Variants in FNIP2 observed in about 807,000 individuals in gnomAD.
FNIP2 encodes folliculin interacting protein 2.
Under a neutral mutation model 108.7 loss-of-function variants are expected in FNIP2, and 32 were observed. The ratio of observed to expected loss-of-function variants is 0.29; its 90% CI spans 0.22 to 0.40. The LOEUF is 0.40. Among genes scored for constraint, FNIP2 ranks in the 10% least tolerant of loss-of-function variants. FNIP2 has a pLI of 1.00. For synonymous variants in FNIP2, 480 were observed against 496.7 expected (o/e 0.97, Z 0.45); for missense variants, 1,202 against 1,381.6 (o/e 0.87, Z 2.06).
rs571499078 is a variant in FNIP2 at position 158,789,451 on chromosome 4, T to TA, written c.107+20133dup. Among the ~76,000 whole-genome samples, 18 of 152,354 alleles carry TA rather than the reference T, an allele frequency of 1.2e-4. No individual in the cohort carries two copies. In the South Asian group the frequency reaches 3.7e-3, roughly 32 times the overall value. ...AATGGCTGTAAGTTAACCTGGTTTT[T>TA]ATAGGATGGCCAGGTACTCTGACTG... On this transcript the variant is annotated intron_variant, in intron 1 of 16. Coordinates refer to ENST00000264433, the MANE Select transcript of FNIP2 (RefSeq NM_020840.3).
At chr4:158,797,583 C>T (rs1211759478) in intron 1 of FNIP2, among the ~76,000 whole-genome samples, 1 of 152,090 alleles carries the variant, frequency 6.6e-6, no homozygotes, top group Non-Finnish European at 1.5e-5. Context: ...GCCTGTAGTC[C>T]CAGCTACTCA....
rs576965761 is a variant in FNIP2, at chr4:158,906,381, T to G, written c.*1837T>G. ...GTTTACATGTTTTGGGCACTTTCCC[T>G]CATTCACCACCTTCCAGGGTTTCAT... On this transcript the variant is annotated 3_prime_UTR_variant, in exon 17 of 17. Transcript: ENST00000264433. 1 of 152,342 alleles carries G rather than the reference T, an allele frequency of 6.6e-6. No individual in the cohort carries two copies. The highest frequency in any genetic ancestry group is 1.5e-5 in the Non-Finnish European group (1 of 68,036). The allele number at this position is 152,342 out of a possible 1,614,324, so 9.4% of individuals were successfully genotyped here.
chr4:158,833,043 G>A lies in FNIP2; in HGVS notation c.555-485G>A, dbSNP rs186210099. On this transcript the variant is annotated intron_variant, in intron 5 of 16. Coordinates refer to ENST00000264433, the MANE Select transcript of FNIP2 (RefSeq NM_020840.3). Reference sequence around the variant, plus strand: ...AAGTTGTGAAATGAAACTCCTGTAAGAATTATAATTTCTGTTGCATTTTAT... The same window carrying A: ...AAGTTGTGAAATGAAACTCCTGTAAAAATTATAATTTCTGTTGCATTTTAT... Among the ~76,000 whole-genome samples, 16 of 152,224 alleles carry A rather than the reference G, an allele frequency of 1.1e-4. No homozygotes were observed. In the East Asian group the frequency reaches 2.3e-3, roughly 22 times the overall value.
Position 158,769,174 on chromosome 4 carries a change from C to A in FNIP2, c.-39C>A. The A allele has an allele frequency of 8.9e-7, 1 of 1,128,112 alleles. No individual in the cohort carries two copies. Among genetic ancestry groups the A allele is most frequent in the Non-Finnish European group, 1.1e-6 (1 of 892,994 alleles). 69.9% of individuals were successfully genotyped at this position (1,128,112 alleles called of 1,614,324 possible). On this transcript the variant is annotated 5_prime_UTR_variant, in exon 1 of 17. Transcript: ENST00000264433. ...CCCCGGCTGCGCGCTGAGCCGCCGG[C>A]CCCCCGAGCGCCACGGCCGGAGCTG...
chr4:158,840,077 C>T (rs888589658), intron 7 of FNIP2, among the ~76,000 whole-genome samples: 1 of 152,086 alleles, frequency 6.6e-6, no homozygotes, highest in Non-Finnish European at 1.5e-5. Flanking sequence ...TGGGTGTCAG[C>T]CATACTAGGA....
intron 14 of FNIP2, among the ~76,000 whole-genome samples, chr4:158,871,170 A>G (rs75832712): frequency 6.6e-6 from 1 of 152,242 alleles, no homozygotes; most frequent in Non-Finnish European, 1.5e-5. Flanking sequence ...CACTGAAAAA[A>G]TTGCCTCGTG....
At chr4:158,892,965 CT>C in intron 15 of FNIP2, among the ~76,000 whole-genome samples, 1 of 152,242 alleles carries the variant, frequency 6.6e-6, no homozygotes, top group East Asian at 1.9e-4. Flanking sequence ...ACTTTTATGA[CT>C]TTGAAGAAGG....
chr4:158,777,277 A>C (rs1225315428), intron 1 of FNIP2, among the ~76,000 whole-genome samples: 3 of 152,264 alleles, frequency 2.0e-5, no homozygotes, highest in Non-Finnish European at 4.4e-5. Flanking sequence ...AAATGAGCAA[A>C]TTGGTTCTCT....
chr4:158,829,135 T>C lies in FNIP2; in HGVS notation c.291T>C (p.Ser97=), dbSNP rs552343019. ...ISAKCCQGSS[S]VSSSSSSSIS... is the part of the protein sequence containing the mutation. ...CCAAGTGCTGCCAGGGAAGCAGCAG[T>C]GTCAGCAGCAGTAGCAGCAGCAGCA... The change falls in exon 3 of 17, where the codon AGT becomes AGC. Residue 97 remains serine (S), a synonymous_variant. Coordinates refer to ENST00000264433, the MANE Select transcript of FNIP2 (RefSeq NM_020840.3). 32 of 1,612,932 alleles carry C rather than the reference T, an allele frequency of 2.0e-5. No homozygotes were observed. The East Asian group carries it at 6.2e-4, about 31-fold the overall frequency.
intron 1 of FNIP2, among the ~76,000 whole-genome samples, chr4:158,789,507 C>T (rs1776333972): frequency 6.6e-6 from 1 of 152,150 alleles, no homozygotes; most frequent in South Asian, 2.1e-4. Flanking sequence ...GATGTGTGCT[C>T]TGAGCTCTAA....
At chr4:158,828,609 C>T (rs942124168) in intron 2 of FNIP2, among the ~76,000 whole-genome samples, 1 of 152,102 alleles carries the variant, frequency 6.6e-6, no homozygotes, top group African/African-American at 2.4e-5. Context: ...GGTGAGACTC[C>T]ATCTCACAAA....
chr4:158,773,907 G>A (rs1775776449), intron 1 of FNIP2, among the ~76,000 whole-genome samples: 1 of 152,042 alleles, frequency 6.6e-6, no homozygotes, highest in South Asian at 2.1e-4. Context: ...TTATTATTAA[G>A]AATAAAATTG....
rs765630760 is a variant in FNIP2 at position 158,861,488 on chromosome 4, A to G, written c.1295A>G (p.Gln432Arg). 2.5e-6 allele frequency: 4 copies of G among 1,613,972 alleles called. No homozygotes were observed. The South Asian group carries it at 4.4e-5, about 18-fold the overall frequency. The change falls in exon 11 of 17, where the codon CAG becomes CGG. Residue 432 changes from glutamine (Q) to arginine (R), a missense_variant and splice_region_variant. This residue lies in a region of FNIP2 where 878 missense variants were observed against 990.3 expected (regional missense o/e 0.89). Transcript: ENST00000264433. The stretch of plus-strand genomic sequence containing the variant: ...CTGATAGAACAGATAAATAAAAACC[A>G]GTAAGCTTCAACTCTCTGGAGACTT... ...TLLIEQINKN[Q>R]FFAALLTAVL... is the part of the protein sequence containing the mutation.
At chr4:158,857,690 C>T (rs1780060015) in intron 8 of FNIP2, among the ~76,000 whole-genome samples, 1 of 151,904 alleles carries the variant, frequency 6.6e-6, no homozygotes, top group South Asian at 2.1e-4. Context: ...CGGCTGTAAT[C>T]CCAGCACTTT....
At chr4:158,817,245 C>G (rs1185837077) in intron 1 of FNIP2, among the ~76,000 whole-genome samples, 1 of 152,208 alleles carries the variant, frequency 6.6e-6, no homozygotes, top group African/African-American at 2.4e-5. Flanking sequence ...CCTCTCACCT[C>G]AAAAGAACTT....
At chr4:158,864,325 A>C (rs1026462108) in intron 12 of FNIP2, among the ~76,000 whole-genome samples, 9 of 152,196 alleles carry the variant, frequency 5.9e-5, no homozygotes, top group African/African-American at 2.2e-4. Flanking sequence ...CACCATACCC[A>C]GCTGACAACC....
chr4:158,778,175 T>C (rs989523797), intron 1 of FNIP2, among the ~76,000 whole-genome samples: 7 of 152,348 alleles, frequency 4.6e-5, no homozygotes, highest in African/African-American at 1.4e-4. Flanking sequence ...ATTTAATAGA[T>C]CTGGGCTGGG....
intron 8 of FNIP2, among the ~76,000 whole-genome samples, chr4:158,856,449 G>A (rs1478056333): frequency 6.6e-6 from 1 of 152,176 alleles, no homozygotes; most frequent in Non-Finnish European, 1.5e-5. Flanking sequence ...TTATCGATAA[G>A]TGTTAACAAA....
intron 8 of FNIP2, among the ~76,000 whole-genome samples, chr4:158,857,340 A>G (rs1446324907): frequency 6.6e-6 from 1 of 152,250 alleles, no homozygotes; most frequent in Non-Finnish European, 1.5e-5. Context: ...CTGTAGTGCA[A>G]GAAAACAAGG....
Sources: gnomAD v4.1 joint callset for allele counts (sites outside exome capture counted in the v4.1 genomes callset) on GRCh38, gnomAD v4.1.1 for gene constraint, gnomAD v4.1.1 regional missense constraint, MANE v1.5 for transcripts, NCBI Gene and HGNC (gene_info 2026-07-23, HGNC 2026-07-21) for gene names.